The following TENM4 variants were observed in gnomAD, a reference collection of about 807,000 sequenced individuals.
TENM4 encodes teneurin transmembrane protein 4.
A neutral mutation model predicts 243.3 loss-of-function variants in TENM4; 82 were observed. The observed-to-expected ratio is 0.34, with a 90% CI of 0.28 to 0.40. The LOEUF (loss-of-function observed/expected upper bound fraction) is 0.40. Ranked by LOEUF, TENM4 falls within the 10% of genes least tolerant of loss-of-function variation. The pLI is 1.00. For missense variants in TENM4, 3,138 were observed against 3,673.3 expected (o/e 0.85, Z 3.77); for synonymous variants, 1,412 against 1,456.3 (o/e 0.97, Z 0.69).
At chr11:78,858,368 GA>G (rs893913516) in intron 10 of TENM4, among the ~76,000 whole-genome samples, 13 of 148,950 alleles carry the variant, frequency 8.7e-5, no homozygotes, top group South Asian at 2.1e-4. Context: ...TGTATATGCT[GA>G]AAAAAAAAAG....
chr11:79,074,859 A>G (rs1468775146), intron 4 of TENM4, among the ~76,000 whole-genome samples: 1 of 152,034 alleles, frequency 6.6e-6, no homozygotes, highest in African/African-American at 2.4e-5. Context: ...CTCTGCTAAC[A>G]TCTTCCCCTA....
At chr11:79,091,862 T>C (rs1860962793) in intron 4 of TENM4, among the ~76,000 whole-genome samples, 2 of 152,192 alleles carry the variant, frequency 1.3e-5, no homozygotes, top group Admixed American at 1.3e-4. Context: ...TTTGTACGCA[T>C]GCTGCCCTCC....
At position 79,440,860 on chromosome 11, in the gene TENM4, A is replaced by AGTGTGTGT. The variant is rs71050222; in HGVS notation, c.-680_-673dup. ...GCGGGTGTGTGCGCGCGCGTGTGTGAGTGTGTGTGTGTGTGTGTGTGTTTA... is the reference window on the plus strand; with the variant it reads ...GCGGGTGTGTGCGCGCGCGTGTGTGAGTGTGTGTGTGTGTGTGTGTGTGTGTGTGTTTA... On this transcript the variant is annotated 5_prime_UTR_variant, in exon 1 of 34. Transcript: ENST00000278550. The surrounding 1 kb of genome is among the most constrained non-coding windows in gnomAD (Gnocchi z 4.7). The AGTGTGTGT allele has an allele frequency of 4.0e-5, 6 of 149,834 alleles. No individual in the cohort carries two copies. The highest frequency in any genetic ancestry group is 2.7e-4 in the Admixed American group (4 of 15,070). 9.3% of individuals were successfully genotyped at this position (149,834 alleles called of 1,614,324 possible).
chr11:78,704,097 ATGTATG>A (rs1859178338), intron 27 of TENM4, among the ~76,000 whole-genome samples: 1 of 138,470 alleles, frequency 7.2e-6, no homozygotes, highest in African/African-American at 3.1e-5. Context: ...ACATATACAT[ATGTATG>A]TGTGTGTGTC....
At chr11:79,144,485 G>A (rs1179795857) in intron 4 of TENM4, among the ~76,000 whole-genome samples, 2 of 152,036 alleles carry the variant, frequency 1.3e-5, no homozygotes, top group Admixed American at 6.6e-5. Flanking sequence ...ACTTCCATGT[G>A]TATCGTGGCA....
chr11:78,798,279 A>C (rs1231223155), intron 15 of TENM4, among the ~76,000 whole-genome samples: 1 of 152,208 alleles, frequency 6.6e-6, no homozygotes, highest in Non-Finnish European at 1.5e-5. Context: ...TAAAGCATTG[A>C]GTTTATTTTG....
Position 78,756,792 on chromosome 11 carries a change from C to T in TENM4, c.2756+13G>A, listed in dbSNP as rs199832161. 6.2e-6 allele frequency: 10 copies of T among 1,607,930 alleles called. No homozygotes were observed. The highest frequency in any genetic ancestry group is 1.7e-5 in the Admixed American group (1 of 59,352). ...CAGAGAGCCCTGGCTGGAGCTGGGG[C>T]CCTCGGACTCACCCTCCATCAAAGG... is the stretch of plus-strand genomic sequence containing the variant. On this transcript the variant is annotated intron_variant, in intron 19 of 33. Transcript: ENST00000278550.
intron 6 of TENM4, among the ~76,000 whole-genome samples, chr11:79,053,724 G>T (rs1324442951): frequency 6.6e-6 from 1 of 152,084 alleles, no homozygotes; most frequent in Admixed American, 6.5e-5. Context: ...CATCCCTAAG[G>T]GCTCTTCCTG....
chr11:78,905,921 T>C (rs1309608978), intron 6 of TENM4, among the ~76,000 whole-genome samples: 1 of 152,226 alleles, frequency 6.6e-6, no homozygotes, highest in African/African-American at 2.4e-5. Flanking sequence ...AGACAGAGCC[T>C]GGGACAGAAG....
intron 3 of TENM4, among the ~76,000 whole-genome samples, chr11:79,204,674 T>A (rs1285413057): frequency 6.6e-6 from 1 of 152,220 alleles, no homozygotes; most frequent in East Asian, 1.9e-4. Context: ...GAAGGAAATT[T>A]GGCAGTGTTT....
At chr11:78,930,082 G>A (rs1403162914) in intron 6 of TENM4, among the ~76,000 whole-genome samples, 1 of 152,154 alleles carries the variant, frequency 6.6e-6, no homozygotes, top group Admixed American at 6.5e-5. Flanking sequence ...TGGTCCCCAA[G>A]GGAAAATGGT....
chr11:79,178,231 A>G (rs2135132024), intron 3 of TENM4, among the ~76,000 whole-genome samples: 1 of 152,260 alleles, frequency 6.6e-6, no homozygotes, highest in South Asian at 2.1e-4. Context: ...AGGTGGGAAA[A>G]AATCAGGGAA....
intron 3 of TENM4, among the ~76,000 whole-genome samples, chr11:79,206,682 T>G (rs770770213): frequency 6.6e-6 from 1 of 152,266 alleles, no homozygotes; most frequent in Non-Finnish European, 1.5e-5. Flanking sequence ...GGATTTCCAC[T>G]TTTGCTTCTT....
At chr11:79,284,537 T>A (rs1856214653) in intron 2 of TENM4, among the ~76,000 whole-genome samples, 1 of 152,126 alleles carries the variant, frequency 6.6e-6, no homozygotes, top group Admixed American at 6.6e-5. Flanking sequence ...TCACACAAAA[T>A]ACAAGGATTA....
Position 79,160,453 on chromosome 11 carries a change from G to C in TENM4, c.-162-11647C>G, listed in dbSNP as rs570565745. ...GGCAGTCAGAGCTCGGGGGACTTGG[G>C]GAGAGCCTCTCTTCTCCAGGACTTT... On this transcript the variant is annotated intron_variant, in intron 3 of 33. Transcript: ENST00000278550. Among the ~76,000 whole-genome samples the C allele has an allele frequency of 7.9e-5, 12 of 152,222 alleles. No homozygotes were observed. In the South Asian group the frequency reaches 2.5e-3, roughly 32 times the overall value.
At chr11:79,061,720 G>A (rs1009377445) in intron 6 of TENM4, among the ~76,000 whole-genome samples, 1 of 152,160 alleles carries the variant, frequency 6.6e-6, no homozygotes, top group Non-Finnish European at 1.5e-5. Flanking sequence ...TTTTGCTACA[G>A]AGGGAACTCA....
At chr11:79,343,226 A>G (rs1857270970) in intron 1 of TENM4, among the ~76,000 whole-genome samples, 1 of 152,254 alleles carries the variant, frequency 6.6e-6, no homozygotes, top group South Asian at 2.1e-4. Context: ...CCAGCATGGG[A>G]GCAGGTGCTT....
At chr11:79,135,698 T>C (rs1039132717) in intron 4 of TENM4, among the ~76,000 whole-genome samples, 10 of 135,184 alleles carry the variant, frequency 7.4e-5, no homozygotes, top group African/African-American at 3.6e-4. Flanking sequence ...ATGATATATA[T>C]GATACATCAT....
At chr11:79,007,283 G>A (rs1332714389) in intron 6 of TENM4, among the ~76,000 whole-genome samples, 1 of 152,170 alleles carries the variant, frequency 6.6e-6, no homozygotes, top group Non-Finnish European at 1.5e-5. Flanking sequence ...TAATAAAATG[G>A]GTAGAAAGAG....
Sources: gnomAD v4.1 joint callset for allele counts (sites outside exome capture counted in the v4.1 genomes callset) on GRCh38, gnomAD v4.1.1 for gene constraint, Gnocchi (gnomAD v3.1) non-coding constraint, MANE v1.5 for transcripts, NCBI Gene and HGNC (gene_info 2026-07-23, HGNC 2026-07-21) for gene names.